SORT1: variants seen among roughly 807,000 people sequenced by gnomAD.
SORT1 encodes sortilin 1.
A neutral mutation model predicts 101.7 loss-of-function variants in SORT1; 39 were observed. The ratio of observed to expected loss-of-function variants is 0.38; its 90% CI spans 0.30 to 0.50. The LOEUF is 0.50. Among genes scored for constraint, SORT1 ranks in the 20% least tolerant of loss-of-function variants. The pLI is 0.90. For missense variants in SORT1, 878 were observed against 1,040.4 expected (o/e 0.84, Z 2.15); for synonymous variants, 396 against 393.7 (o/e 1.01, Z -0.07).
At chr1:109,365,773 G>T (rs1651041864) in intron 3 of SORT1, among the ~76,000 whole-genome samples, 1 of 152,148 alleles carries the variant, frequency 6.6e-6, no homozygotes, top group Non-Finnish European at 1.5e-5. Context: ...TAGTTAGATG[G>T]CAATTCCTTG....
At position 109,313,986 on chromosome 1, in the gene SORT1, G is replaced by C. The variant is rs964707205; in HGVS notation, c.*57C>G. On this transcript the variant is annotated 3_prime_UTR_variant, in exon 20 of 20. Coordinates refer to ENST00000256637, the MANE Select transcript of SORT1 (RefSeq NM_002959.7). ...TATTTCCTGAAGTTGGAGCCACAGGGAGTGTAAGAGGTACTGTGGTTCCAC... is the reference window on the plus strand; with the variant it reads ...TATTTCCTGAAGTTGGAGCCACAGGCAGTGTAAGAGGTACTGTGGTTCCAC... 1 of 1,535,468 alleles carries C rather than the reference G, an allele frequency of 6.5e-7. No homozygotes were observed. The highest frequency in any genetic ancestry group is 2.2e-5 in the East Asian group (1 of 44,518).
At chr1:109,317,761 G>A in intron 16 of SORT1, 92 bp downstream of exon 16, 1 of 877,878 alleles carries the variant, frequency 1.1e-6, no homozygotes, top group Non-Finnish European at 1.8e-6. Context: ...GTGCTCTAAA[G>A]TAGGGCTTGG....
intron 10 of SORT1, among the ~76,000 whole-genome samples, chr1:109,337,589 A>G (rs1408632577): frequency 6.6e-6 from 1 of 152,082 alleles, no homozygotes; most frequent in Non-Finnish European, 1.5e-5. Context: ...CAAATGAAGG[A>G]AAATTCATTT....
chr1:109,346,617 C>A (rs1236084270), intron 7 of SORT1, among the ~76,000 whole-genome samples: 1 of 151,646 alleles, frequency 6.6e-6, no homozygotes, highest in Non-Finnish European at 1.5e-5. Context: ...TGGTGACAGG[C>A]GTCTGTAGTC....
At chr1:109,396,737 A>G (rs1164247766) in intron 1 of SORT1, among the ~76,000 whole-genome samples, 1 of 152,234 alleles carries the variant, frequency 6.6e-6, no homozygotes, top group African/African-American at 2.4e-5. Flanking sequence ...GAGAAAATAT[A>G]TAGAATTGAA....
chr1:109,323,211 G>A, intron 14 of SORT1, 90 bp from the exon 15 acceptor site: 1 of 858,752 alleles, frequency 1.2e-6, no homozygotes, highest in East Asian at 2.5e-5. Flanking sequence ...AACAAGGAGA[G>A]GGAAAGTGGG....
At chr1:109,373,755 A>G (rs1451447960) in intron 1 of SORT1, among the ~76,000 whole-genome samples, 2 of 152,168 alleles carry the variant, frequency 1.3e-5, no homozygotes, top group East Asian at 1.9e-4. Context: ...AATATCTAGC[A>G]CCCAACAAGC....
chr1:109,364,176 A>C (rs569901137), intron 3 of SORT1, among the ~76,000 whole-genome samples: 23 of 152,328 alleles, frequency 1.5e-4, no homozygotes, highest in Non-Finnish European at 2.8e-4. Flanking sequence ...ACTCTAGTAA[A>C]GTATGTCAGG....
rs1477082395 is a variant in SORT1 at position 109,312,812 on chromosome 1, A to G, written c.*1231T>C. ...CAAATGGAAAACTTCTTTTAATCCA[A>G]AATAAGAACTTAATGTATCACACAA... On this transcript the variant is annotated 3_prime_UTR_variant, in exon 20 of 20. Transcript: ENST00000256637. The G allele has an allele frequency of 6.6e-6, 1 of 152,242 alleles. No individual in the cohort carries two copies. Among genetic ancestry groups the G allele is most frequent in the African/African-American group, 2.4e-5 (1 of 41,458 alleles). 9.4% of individuals were successfully genotyped at this position (152,242 alleles called of 1,614,324 possible).
chr1:109,388,270 C>T (rs1182032471), intron 1 of SORT1, among the ~76,000 whole-genome samples: 1 of 152,116 alleles, frequency 6.6e-6, no homozygotes, highest in Admixed American at 6.5e-5. Flanking sequence ...CAGTATCTCG[C>T]TCTGTTGCCC....
chr1:109,385,572 C>G (rs1652521744), intron 1 of SORT1, among the ~76,000 whole-genome samples: 1 of 152,200 alleles, frequency 6.6e-6, no homozygotes. Flanking sequence ...TGCCAGCTGA[C>G]TGAGCCGAGA....
At chr1:109,325,727 A>G (rs1204079322) in intron 13 of SORT1, among the ~76,000 whole-genome samples, 3 of 151,670 alleles carry the variant, frequency 2.0e-5, no homozygotes, top group South Asian at 2.1e-4. Flanking sequence ...GTAATCCCAG[A>G]ATTTTGGGAG....
chr1:109,359,252 T>A (rs552786410), intron 3 of SORT1, among the ~76,000 whole-genome samples: 42 of 152,280 alleles, frequency 2.8e-4, no homozygotes, highest in African/African-American at 9.9e-4. Context: ...GTCTCTCTTA[T>A]AAGGGGACTA....
At chr1:109,374,583 C>T (rs185594936) in intron 1 of SORT1, among the ~76,000 whole-genome samples, 216 of 149,178 alleles carry the variant, frequency 1.4e-3, no homozygotes, top group African/African-American at 5.2e-3. Context: ...AAGAAAACAC[C>T]GTCTCAAAAA....
In SORT1 at chr1:109,323,071, C is replaced by A. The variant is rs1647748389; in HGVS notation, c.1885G>T (p.Asp629Tyr). The A allele has an allele frequency of 8.7e-6, 14 of 1,614,064 alleles. No individual in the cohort carries two copies. Among genetic ancestry groups the A allele is most frequent in the Non-Finnish European group, 1.2e-5 (14 of 1,180,016 alleles). The part of the protein sequence containing the change: ...IWLAHSTDPE[D>Y]YEDGCILGYK... ...CCCAAAATGCAGCCATCTTCATAAT[C>A]TTCAGGGTCTGTGGAGTGTGCCAGC... Residue 629 changes from aspartate to tyrosine, a missense_variant, in exon 15 of 20, where the codon GAT (aspartate) becomes TAT (tyrosine). Asp to Tyr is a radical substitution (Grantham distance 160). Coordinates refer to ENST00000256637, the MANE Select transcript of SORT1 (RefSeq NM_002959.7).
chr1:109,347,446 A>C (rs775008712), intron 7 of SORT1, 37 bp downstream of exon 7: 1 of 1,453,750 alleles, frequency 6.9e-7, no homozygotes, highest in African/African-American at 1.4e-5. Context: ...ATGAATGGAC[A>C]ACAGGACATT....
intron 3 of SORT1, among the ~76,000 whole-genome samples, chr1:109,362,237 G>C (rs890516539): frequency 1.3e-5 from 2 of 152,160 alleles, no homozygotes; most frequent in African/African-American, 4.8e-5. Flanking sequence ...TGATGAAAAT[G>C]AGTGCTGTGA....
chr1:109,354,656 A>C, intron 4 of SORT1, 125 bp from the exon 5 acceptor site: 1 of 703,716 alleles, frequency 1.4e-6, no homozygotes, highest in Non-Finnish European at 2.4e-6. Context: ...AAGAGTTATA[A>C]AAACTGATTA....
At chr1:109,367,556 C>T (rs1246479858) in intron 2 of SORT1, 75 bp from the exon 3 acceptor site, 2 of 928,942 alleles carry the variant, frequency 2.2e-6, no homozygotes, top group Non-Finnish European at 3.4e-6. Context: ...CGAGATTAAG[C>T]CAACACCTAA....
Sources: gnomAD v4.1 joint callset for allele counts (sites outside exome capture counted in the v4.1 genomes callset) on GRCh38, gnomAD v4.1.1 for gene constraint, MANE v1.5 for transcripts, NCBI Gene and HGNC (gene_info 2026-07-23, HGNC 2026-07-21) for gene names.